PTPN2: variants seen among roughly 807,000 people sequenced by gnomAD.
PTPN2 encodes tyrosine-protein phosphatase non-receptor type 2.
PTPN2 carries 19 observed loss-of-function variants against 57.3 expected under a neutral mutation model. The observed-to-expected ratio is 0.33, with a 90% confidence interval of 0.23 to 0.49. The LOEUF (loss-of-function observed/expected upper bound fraction) is 0.49. Among genes scored for constraint, PTPN2 ranks in the 20% least tolerant of loss-of-function variants. The pLI is 0.99. For missense variants in PTPN2, 358 were observed against 501.1 expected, an observed-to-expected ratio of 0.71 and a Z score of 2.73; for synonymous variants, 153 against 164.9, an observed-to-expected ratio of 0.93 and a Z score of 0.55.
intron 1 of PTPN2, among the ~76,000 whole-genome samples, chr18:12,860,295 C>A (rs535754298): frequency 2.0e-3 from 300 of 150,864 alleles, no homozygotes; most frequent in Middle Eastern, 6.9e-3. Context: ...TAAAAAAAAA[C>A]CCCAAAAAAA....
intron 1 of PTPN2, among the ~76,000 whole-genome samples, chr18:12,870,012 C>T (rs2044131857): frequency 6.6e-6 from 1 of 151,852 alleles, no homozygotes; most frequent in African/African-American, 2.4e-5. Context: ...GAGAGAAGAT[C>T]CCTGGTGGAG....
intron 2 of PTPN2, among the ~76,000 whole-genome samples, chr18:12,848,100 T>C (rs896868185): frequency 1.3e-5 from 2 of 152,164 alleles, no homozygotes; most frequent in African/African-American, 4.8e-5. Context: ...ATAGTTACCA[T>C]AAAATTTAAC....
Position 12,817,345 on chromosome 18 carries a change from T to C in PTPN2, c.516A>G (p.Ile172Met). 6.2e-7 allele frequency: 1 copy of C among 1,611,464 alleles called. No individual in the cohort carries two copies. The highest frequency in any genetic ancestry group is 1.3e-5 in the African/African-American group (1 of 74,986). ...ENINSGETRTISHFHYTTWPD... is the reference protein window; with the variant it reads ...ENINSGETRTMSHFHYTTWPD... The stretch of plus-strand genomic sequence containing the variant: ...GCCAGGTAGTATAATGAAAGTGAGA[T>C]ATTGTTCTGGTTTCACCACTCTAAA... Residue 172 changes from isoleucine (I) to methionine (M), a missense_variant, in exon 6 of 9, where the codon ATA (isoleucine) becomes ATG (methionine). Transcript: ENST00000309660.
chr18:12,799,432 A>G (rs1237435237), intron 8 of PTPN2, among the ~76,000 whole-genome samples: 1 of 151,784 alleles, frequency 6.6e-6, no homozygotes, highest in African/African-American at 2.4e-5. Context: ...AAAAAAAAAG[A>G]AAAAAAAGAA....
chr18:12,795,458 TA>T lies in PTPN2; in HGVS notation c.1041-974del, dbSNP rs1384343960. Among the ~76,000 whole-genome samples the T allele has an allele frequency of 2.0e-5, 3 of 152,116 alleles. No individual in the cohort carries two copies. The East Asian group carries it at 5.8e-4, about 29-fold the overall frequency. Reference sequence around the variant, plus strand: ...ACAGACGTGCACCACCACGCCTGGCTAATTTTTTTGTATTTTTAGTGAGATG... The same window carrying T: ...ACAGACGTGCACCACCACGCCTGGCTATTTTTTTGTATTTTTAGTGAGATG... On this transcript the variant is annotated intron_variant, in intron 8 of 8. Transcript: ENST00000309660.
At chr18:12,817,694 G>T (rs2042124007) in intron 5 of PTPN2, among the ~76,000 whole-genome samples, 2 of 152,196 alleles carry the variant, frequency 1.3e-5, no homozygotes, top group African/African-American at 2.4e-5. Flanking sequence ...GGGTAAGATA[G>T]TTTGCCCAAG....
intron 8 of PTPN2, 63 bp from the exon 9 acceptor site, chr18:12,794,548 A>G: frequency 2.5e-6 from 4 of 1,571,390 alleles, no homozygotes; most frequent in Non-Finnish European, 3.4e-6. Flanking sequence ...GTACTCTAAC[A>G]CAGAGGACCT....
At chr18:12,842,644 G>C (rs748275852) in intron 2 of PTPN2, among the ~76,000 whole-genome samples, 54 of 152,300 alleles carry the variant, frequency 3.5e-4, no homozygotes, top group Non-Finnish European at 6.5e-4. Context: ...GGGACATGAA[G>C]AATGTGGCTG....
At chr18:12,825,722 G>T in intron 5 of PTPN2, 88 bp downstream of exon 5, 1 of 1,304,782 alleles carries the variant, frequency 7.7e-7, no homozygotes, top group Non-Finnish European at 1.1e-6. Flanking sequence ...CCAAATGCAT[G>T]TGCTTATCAA....
chr18:12,878,992 T>C (rs1471150161), intron 1 of PTPN2, among the ~76,000 whole-genome samples: 2 of 152,222 alleles, frequency 1.3e-5, no homozygotes, highest in African/African-American at 4.8e-5. Context: ...TCCTTCTCTC[T>C]GCCTTTCTCA....
At position 12,819,201 on chromosome 18, in the gene PTPN2, A is replaced by T. The variant is rs1248470003; in HGVS notation, c.496-1836T>A. The stretch of plus-strand genomic sequence containing the variant: ...TAAAATACAGTGAAATAAATTTTCT[A>T]AAAAGTACATACTTTTAGTGACCTT... On this transcript the variant is annotated intron_variant, in intron 5 of 8. Coordinates refer to ENST00000309660, the MANE Select transcript of PTPN2 (RefSeq NM_002828.4). 5 of 1,300,454 alleles carry T rather than the reference A, an allele frequency of 3.8e-6. No homozygotes were observed. The African/African-American group carries it at 4.5e-5, about 12-fold the overall frequency. 80.6% of individuals were successfully genotyped at this position (1,300,454 alleles called of 1,614,324 possible). A position where few individuals can be genotyped will look rare whatever the true frequency, so the allele number is the denominator to read the frequency against.
In PTPN2 at chr18:12,794,281, T is replaced by TA; in HGVS notation, c.1244dup (p.Ter416IlefsTer4). ...CTTGCTGGGCAAAATTAATTGTTTA[T>TA]AGGGCATTTTGCTGAAAAAACAGTG... is the stretch of plus-strand genomic sequence containing the variant. On this transcript the variant is annotated frameshift_variant, in exon 9 of 9. Coordinates refer to ENST00000309660, the MANE Select transcript of PTPN2 (RefSeq NM_002828.4). LOFTEE classifies it high-confidence loss of function. 1 of 1,614,212 alleles carries TA rather than the reference T, an allele frequency of 6.2e-7. No individual in the cohort carries two copies. The highest frequency in any genetic ancestry group is 8.5e-7 in the Non-Finnish European group (1 of 1,180,032).
downstream of PTPN2, among the ~76,000 whole-genome samples, chr18:12,789,860 A>C (rs12958381): frequency 7.9e-4 from 83 of 105,604 alleles, no homozygotes; most frequent in East Asian, 2.4e-3. Context: ...ATCTCTCTGT[A>C]TGTGTGTGTG....
intron 2 of PTPN2, among the ~76,000 whole-genome samples, chr18:12,858,063 C>T (rs1350417427): frequency 6.6e-6 from 1 of 152,060 alleles, no homozygotes; most frequent in Non-Finnish European, 1.5e-5. Flanking sequence ...GTGGTACATC[C>T]AGACCCTAAA....
intron 3 of PTPN2, 26 bp from the exon 4 acceptor site, chr18:12,831,067 G>C (rs758934536): frequency 6.7e-7 from 1 of 1,492,552 alleles, no homozygotes; most frequent in Non-Finnish European, 9.3e-7. Context: ...AGAGAGAGCA[G>C]ATGAGGGAAG....
At chr18:12,814,998 C>T (rs780069347) in intron 6 of PTPN2, among the ~76,000 whole-genome samples, 8 of 151,886 alleles carry the variant, frequency 5.3e-5, no homozygotes, top group Non-Finnish European at 1.2e-4. Flanking sequence ...GCTGGAGAAT[C>T]GCCTGAACCC....
At chr18:12,877,284 CA>C (rs1288772939) in intron 1 of PTPN2, among the ~76,000 whole-genome samples, 1 of 152,108 alleles carries the variant, frequency 6.6e-6, no homozygotes, top group African/African-American at 2.4e-5. Context: ...TAGACAGTTA[CA>C]AAACAATGTG....
At chr18:12,834,595 T>A (rs1300760492) in intron 3 of PTPN2, among the ~76,000 whole-genome samples, 2 of 152,070 alleles carry the variant, frequency 1.3e-5, no homozygotes, top group Admixed American at 6.5e-5. Flanking sequence ...CTTTGCTGGG[T>A]GAGTGAATAC....
intron 4 of PTPN2, among the ~76,000 whole-genome samples, chr18:12,829,752 GAGA>G (rs2042604353): frequency 6.6e-6 from 1 of 152,114 alleles, no homozygotes; most frequent in Non-Finnish European, 1.5e-5. Context: ...CTGCTTTTAA[GAGA>G]AGTAATGACA....
Sources: gnomAD v4.1 joint callset for allele counts (sites outside exome capture counted in the v4.1 genomes callset) on GRCh38, gnomAD v4.1.1 for gene constraint, MANE v1.5 for transcripts, NCBI Gene and HGNC (gene_info 2026-07-23, HGNC 2026-07-21) for gene names.